FRYL: variants seen among roughly 807,000 people sequenced by gnomAD.
FRYL encodes FRY like transcription coactivator.
Under a neutral mutation model 351.2 loss-of-function variants are expected in FRYL, and 150 were observed. The ratio of observed to expected loss-of-function variants is 0.43; its 90% CI spans 0.37 to 0.49. The LOEUF is 0.49. Ranked by LOEUF, FRYL falls within the 20% of genes least tolerant of loss-of-function variation. The pLI is 0.00. For missense variants in FRYL, 3,036 were observed against 3,619.3 expected (o/e 0.84, Z 4.13); for synonymous variants, 1,153 against 1,257.1 (o/e 0.92, Z 1.75).
chr4:48,560,489 A>T (rs1735237122), intron 33 of FRYL, among the ~76,000 whole-genome samples: 1 of 152,138 alleles, frequency 6.6e-6, no homozygotes, highest in African/African-American at 2.4e-5. Context: ...ACCAGCACAC[A>T]TCCTAGGCGA....
chr4:48,550,090 T>A (rs1436338117), intron 38 of FRYL, among the ~76,000 whole-genome samples: 1 of 152,212 alleles, frequency 6.6e-6, no homozygotes, highest in Non-Finnish European at 1.5e-5. Flanking sequence ...CGTGGGTAAG[T>A]CACTTAACCT....
chr4:48,539,788 T>C (rs1729745008), intron 47 of FRYL, among the ~76,000 whole-genome samples, 183 bp downstream of exon 47: 1 of 152,188 alleles, frequency 6.6e-6, no homozygotes, highest in South Asian at 2.1e-4. Flanking sequence ...TACTGTCATT[T>C]GAGCAGTTGT....
intron 54 of FRYL, among the ~76,000 whole-genome samples, chr4:48,521,808 G>A (rs1277694034): frequency 6.6e-6 from 1 of 152,084 alleles, no homozygotes; most frequent in East Asian, 1.9e-4. Context: ...AATGGGAGAG[G>A]GGCAGTTAGT....
At chr4:48,699,239 T>C (rs1467242723) in intron 2 of FRYL, among the ~76,000 whole-genome samples, 2 of 152,232 alleles carry the variant, frequency 1.3e-5, no homozygotes, top group Non-Finnish European at 2.9e-5. Context: ...GATTTCAATA[T>C]GTCCTTATAT....
Position 48,523,372 on chromosome 4 carries a change from TCTA to T in FRYL, c.7318-271_7318-269del, listed in dbSNP as rs1307138349. On this transcript the variant is annotated intron_variant, in intron 53 of 63. Coordinates refer to ENST00000358350, the MANE Select transcript of FRYL (RefSeq NM_015030.2). ...CTTGTATTACTGGGGACCAAGTAAATCTACTATCTAAGCCATTTCTATTCTAAT... is the reference window on the plus strand; with the variant it reads ...CTTGTATTACTGGGGACCAAGTAAATCTATCTAAGCCATTTCTATTCTAAT... The T allele has an allele frequency of 4.2e-5, 15 of 353,444 alleles. No homozygotes were observed. The South Asian group carries it at 5.2e-4, about 12-fold the overall frequency. The allele number at this position is 353,444 out of a possible 1,614,324, so 21.9% of individuals were successfully genotyped here.
chr4:48,717,255 T>TA (rs1768964799), intron 1 of FRYL, among the ~76,000 whole-genome samples: 1 of 151,130 alleles, frequency 6.6e-6, no homozygotes. Context: ...ACATGTACCC[T>TA]AAAACTTAAA....
chr4:48,595,545 C>A, intron 15 of FRYL, 45 bp downstream of exon 15: 1 of 1,124,620 alleles, frequency 8.9e-7, no homozygotes, highest in Non-Finnish European at 1.3e-6. Context: ...CAATAGATTA[C>A]TCTAACAATT....
chr4:48,675,934 G>C (rs999299494), intron 3 of FRYL, among the ~76,000 whole-genome samples: 1 of 152,236 alleles, frequency 6.6e-6, no homozygotes, highest in African/African-American at 2.4e-5. Context: ...CTCAAGGTTT[G>C]TGAGTGCACC....
intron 13 of FRYL, 64 bp from the exon 14 acceptor site, chr4:48,596,064 T>C (rs1744516896): frequency 5.6e-6 from 6 of 1,065,570 alleles, no homozygotes; most frequent in South Asian, 2.9e-5. Context: ...AGCAAACATA[T>C]TCTCTGTCAA....
chr4:48,632,055 CAAAAAAAAAAAAAAAAAAAAA>C (rs71660455), intron 4 of FRYL, among the ~76,000 whole-genome samples: 57 of 22,598 alleles, frequency 2.5e-3, no homozygotes, highest in African/African-American at 8.1e-3. Flanking sequence ...CCTGTCTCTC[CAAAAAAAAAAAAAAAAAAAAA>C]AAAAAAAAAA....
chr4:48,739,307 A>C (rs1771784804), intron 1 of FRYL, among the ~76,000 whole-genome samples: 1 of 151,378 alleles, frequency 6.6e-6, no homozygotes, highest in Non-Finnish European at 1.5e-5. Context: ...AGGCTGAGAA[A>C]GGAGAATTGC....
At chr4:48,592,870 A>G (rs868070099) in intron 16 of FRYL, among the ~76,000 whole-genome samples, 3 of 152,204 alleles carry the variant, frequency 2.0e-5, no homozygotes, top group Admixed American at 6.5e-5. Flanking sequence ...TTAACCACAT[A>G]AACACATACC....
chr4:48,719,331 T>C (rs1769210147), intron 1 of FRYL, among the ~76,000 whole-genome samples: 1 of 151,578 alleles, frequency 6.6e-6, no homozygotes, highest in Non-Finnish European at 1.5e-5. Context: ...TGGAATGCCC[T>C]CCCTTCGTTT....
At chr4:48,737,991 G>A (rs1357141556) in intron 1 of FRYL, among the ~76,000 whole-genome samples, 2 of 152,136 alleles carry the variant, frequency 1.3e-5, no homozygotes, top group Non-Finnish European at 1.5e-5. Flanking sequence ...AAAACCTACT[G>A]TTAACCTCAT....
chr4:48,614,721 C>CA (rs1161734085), intron 7 of FRYL, among the ~76,000 whole-genome samples: 2,713 of 47,116 alleles, frequency 0.058, 809 homozygotes, highest in African/African-American at 0.15. Context: ...GACTCCATCT[C>CA]AAAAAAAAAA....
At chr4:48,542,155 G>T in intron 44 of FRYL, 34 bp from the exon 45 acceptor site, 1 of 1,455,590 alleles carries the variant, frequency 6.9e-7, no homozygotes, top group Non-Finnish European at 9.6e-7. Context: ...AATTAATTAT[G>T]CTCTGGAATA....
chr4:48,554,765 C>A (rs752498294), intron 35 of FRYL, among the ~76,000 whole-genome samples: 1 of 152,232 alleles, frequency 6.6e-6, no homozygotes, highest in African/African-American at 2.4e-5. Flanking sequence ...TGTGTGCATT[C>A]CTGCCTTTGT....
intron 56 of FRYL, among the ~76,000 whole-genome samples, chr4:48,514,067 T>C (rs1162305951): frequency 2.0e-5 from 3 of 152,152 alleles, no homozygotes; most frequent in Non-Finnish European, 4.4e-5. Flanking sequence ...GTAAGTATTC[T>C]TGATATGTTG....
At chr4:48,560,261 T>G (rs571974925) in intron 33 of FRYL, among the ~76,000 whole-genome samples, 1 of 152,294 alleles carries the variant, frequency 6.6e-6, no homozygotes, top group East Asian at 1.9e-4. Flanking sequence ...GCAGTAAAAT[T>G]CTGAATGAAT....
Sources: gnomAD v4.1 joint callset for allele counts (sites outside exome capture counted in the v4.1 genomes callset) on GRCh38, gnomAD v4.1.1 for gene constraint, MANE v1.5 for transcripts, NCBI Gene and HGNC (gene_info 2026-07-23, HGNC 2026-07-21) for gene names.